Variants in MFSD6 observed in about 807,000 individuals in gnomAD.
MFSD6 encodes major facilitator superfamily domain containing 6.
Under a neutral mutation model 56.3 loss-of-function variants are expected in MFSD6, and 26 were observed. The ratio of observed to expected loss-of-function variants is 0.46; its 90% CI spans 0.34 to 0.64. The LOEUF is 0.64. Among genes scored for constraint, MFSD6 ranks in the 30% least tolerant of loss-of-function variants. MFSD6 has a pLI of 0.01. For missense variants in MFSD6, 750 were observed against 986.2 expected, an observed-to-expected ratio of 0.76 and a Z score of 3.21; for synonymous variants, 331 against 366.9, an observed-to-expected ratio of 0.90 and a Z score of 1.12.
rs574603767 is a variant in MFSD6 at position 190,414,853 on chromosome 2, G to T, written c.-175-439G>T. Among the ~76,000 whole-genome samples, 38 of 151,926 alleles carry T rather than the reference G, an allele frequency of 2.5e-4. 1 individual carries two copies. The highest frequency in any genetic ancestry group is 1.7e-3 in the South Asian group (8 of 4,808). The stretch of plus-strand genomic sequence containing the variant: ...ATAACACTTTGGTGTCATTTTTATC[G>T]AGTCTTTTTCTAAAATACATTTTAT... On this transcript the variant is annotated intron_variant, in intron 1 of 7. Transcript: ENST00000392328.
chr2:190,446,253 A>G (rs755358896), intron 3 of MFSD6, among the ~76,000 whole-genome samples: 11 of 152,164 alleles, frequency 7.2e-5, no homozygotes, highest in Non-Finnish European at 1.6e-4. Flanking sequence ...CAAACTCTGA[A>G]AGAGTTTGAG....
intron 4 of MFSD6, among the ~76,000 whole-genome samples, chr2:190,472,605 A>C (rs1273658833): frequency 6.6e-6 from 1 of 152,222 alleles, no homozygotes; most frequent in Non-Finnish European, 1.5e-5. Flanking sequence ...CCAAATCTAC[A>C]TCTGATTGGT....
Position 190,412,449 on chromosome 2 carries a change from C to A in MFSD6, c.-175-2843C>A. 2 of 985,310 alleles carry A rather than the reference C, an allele frequency of 2.0e-6. No homozygotes were observed. The highest frequency in any genetic ancestry group is 2.4e-6 in the Non-Finnish European group (2 of 829,884). The allele number at this position is 985,310 out of a possible 1,614,324, so 61.0% of individuals were successfully genotyped here. A position where few individuals can be genotyped will look rare whatever the true frequency, so the allele number is the denominator to read the frequency against. On this transcript the variant is annotated intron_variant, in intron 1 of 7. Coordinates refer to ENST00000392328, the MANE Select transcript of MFSD6 (RefSeq NM_017694.4). This position sits in a 1 kb window ranked among gnomAD's most constrained non-coding sequence, Gnocchi z 4.1. ...TTGTTCAATAGGTTATCTTTAAAGGCAGAAATCAAGTGCAAAGTCCTACCC... is the reference window on the plus strand; with the variant it reads ...TTGTTCAATAGGTTATCTTTAAAGGAAGAAATCAAGTGCAAAGTCCTACCC...
rs1689430149 is a variant in MFSD6, at chr2:190,492,748, C to T, written c.1891+2882C>T. On this transcript the variant is annotated intron_variant, in intron 6 of 7. Coordinates refer to ENST00000392328, the MANE Select transcript of MFSD6 (RefSeq NM_017694.4). This position sits in a 1 kb window ranked among gnomAD's most constrained non-coding sequence, Gnocchi z 5.2. Reference sequence around the variant, plus strand: ...ACAGTCTTTTTCAGACAAACAAATGCTGAGAGAATTCACCACTACCAAGCC... The same window carrying T: ...ACAGTCTTTTTCAGACAAACAAATGTTGAGAGAATTCACCACTACCAAGCC... 6.6e-6 allele frequency among the ~76,000 whole-genome samples: 1 copy of T among 150,876 alleles called. No homozygotes were observed. The highest frequency in any genetic ancestry group is 1.5e-5 in the Non-Finnish European group (1 of 67,974).
At position 190,431,597 on chromosome 2, in the gene MFSD6, T is replaced by C. The variant is rs1481097877; in HGVS notation, c.-53-4380T>C. Among the ~76,000 whole-genome samples, 1 of 152,154 alleles carries C rather than the reference T, an allele frequency of 6.6e-6. No individual in the cohort carries two copies. Among genetic ancestry groups the C allele is most frequent in the Non-Finnish European group, 1.5e-5 (1 of 68,016 alleles). On this transcript the variant is annotated intron_variant, in intron 2 of 7. Coordinates refer to ENST00000392328, the MANE Select transcript of MFSD6 (RefSeq NM_017694.4). The surrounding 1 kb of genome is among the most constrained non-coding windows in gnomAD (Gnocchi z 4.4). The stretch of plus-strand genomic sequence containing the variant: ...GCGCGCGCCTGCAATCGCAGGCACT[T>C]GGCAGGCTGAGGCAGGGGAATCAGG...
chr2:190,433,662 C>G lies in MFSD6; in HGVS notation c.-53-2315C>G, dbSNP rs1404802469. Among the ~76,000 whole-genome samples the G allele has an allele frequency of 6.6e-6, 1 of 152,094 alleles. No individual in the cohort carries two copies. Among genetic ancestry groups the G allele is most frequent in the Non-Finnish European group, 1.5e-5 (1 of 68,022 alleles). On this transcript the variant is annotated intron_variant, in intron 2 of 7. Coordinates refer to ENST00000392328, the MANE Select transcript of MFSD6 (RefSeq NM_017694.4). This position sits in a 1 kb window ranked among gnomAD's most constrained non-coding sequence, Gnocchi z 4.5. ...CCTAAAAAACCGACATGAACATTTT[C>G]AAAGCTTACAGCTACATTGACATCT...
chr2:190,424,235 CT>C lies in MFSD6; in HGVS notation c.-54+8835del, dbSNP rs36117421. Reference sequence around the variant, plus strand: ...ACTAGAGGCTAAAGATTTTCTTCTTCTTTTTTTTTTTTTCTAAATGTTTTAT... The same window carrying C: ...ACTAGAGGCTAAAGATTTTCTTCTTCTTTTTTTTTTTTCTAAATGTTTTAT... On this transcript the variant is annotated intron_variant, in intron 2 of 7. Coordinates refer to ENST00000392328, the MANE Select transcript of MFSD6 (RefSeq NM_017694.4). This position sits in a 1 kb window ranked among gnomAD's most constrained non-coding sequence, Gnocchi z 5.9. Among the ~76,000 whole-genome samples, 69,542 of 143,018 alleles carry C rather than the reference CT, an allele frequency of 0.49. 16,800 individuals carry two copies. Among genetic ancestry groups the C allele is most frequent in the African/African-American group, 0.61 (23,835 of 39,388 alleles). 93.8% of individuals were successfully genotyped at this position (143,018 alleles called of 152,430 possible).
intron 3 of MFSD6, among the ~76,000 whole-genome samples, chr2:190,460,352 A>G (rs1687259711): frequency 6.6e-6 from 1 of 152,196 alleles, no homozygotes; most frequent in Non-Finnish European, 1.5e-5. Context: ...ATTCTTTCAC[A>G]TACCCATCAC....
intron 4 of MFSD6, among the ~76,000 whole-genome samples, chr2:190,470,518 C>G (rs1687859462): frequency 6.6e-6 from 1 of 152,160 alleles, no homozygotes. Flanking sequence ...CTGACCACAT[C>G]CTGAAAAGTC....
chr2:190,437,321 A>C lies in MFSD6; in HGVS notation c.1292A>C (p.Gln431Pro). The C allele has an allele frequency of 6.2e-7, 1 of 1,614,256 alleles. No individual in the cohort carries two copies. Among genetic ancestry groups the C allele is most frequent in the Non-Finnish European group, 8.5e-7 (1 of 1,180,028 alleles). The part of the protein sequence containing the change: ...EETPTTTSHS[Q>P]AFNFWDLIKL... ...ACACCAACCACCACAAGCCACTCGC[A>C]GGCCTTCAACTTTTGGGACTTAATC... is the stretch of plus-strand genomic sequence containing the variant. The change falls in exon 3 of 8, where the codon CAG becomes CCG. Residue 431 changes from glutamine (Q) to proline (P), a missense_variant. Physicochemically the swap from Gln to Pro is moderately conservative, Grantham distance 76 (BLOSUM62 -1). Coordinates refer to ENST00000392328, the MANE Select transcript of MFSD6 (RefSeq NM_017694.4). This position sits in a 1 kb window ranked among gnomAD's most constrained non-coding sequence, Gnocchi z 5.9.
chr2:190,469,305 G>A lies in MFSD6; in HGVS notation c.1533-453G>A, dbSNP rs4264585. On this transcript the variant is annotated intron_variant, in intron 3 of 7. Transcript: ENST00000392328. The surrounding 1 kb of genome is among the most constrained non-coding windows in gnomAD (Gnocchi z 5.3). ...GGGTATTATGAGCAAGGCCACATTCGTGTTTACATATTCTCATTTTTATCC... is the reference window on the plus strand; with the variant it reads ...GGGTATTATGAGCAAGGCCACATTCATGTTTACATATTCTCATTTTTATCC... Among the ~76,000 whole-genome samples, 1 of 151,896 alleles carries A rather than the reference G, an allele frequency of 6.6e-6. No individual in the cohort carries two copies. The highest frequency in any genetic ancestry group is 2.4e-5 in the African/African-American group (1 of 41,344).
chr2:190,447,594 C>T lies in MFSD6; in HGVS notation c.1532+10033C>T, dbSNP rs1686631490. Among the ~76,000 whole-genome samples the T allele has an allele frequency of 6.6e-6, 1 of 152,128 alleles. No individual in the cohort carries two copies. Reference sequence around the variant, plus strand: ...ATACTTCTTAGTGCCACGTTTTAGGCATTATAAGCTACTATCTTCATAATA... The same window carrying T: ...ATACTTCTTAGTGCCACGTTTTAGGTATTATAAGCTACTATCTTCATAATA... On this transcript the variant is annotated intron_variant, in intron 3 of 7. Coordinates refer to ENST00000392328, the MANE Select transcript of MFSD6 (RefSeq NM_017694.4). The surrounding 1 kb of genome is among the most constrained non-coding windows in gnomAD (Gnocchi z 4.5).
At chr2:190,455,017 A>G (rs1686953586) in intron 3 of MFSD6, among the ~76,000 whole-genome samples, 1 of 148,820 alleles carries the variant, frequency 6.7e-6, no homozygotes, top group African/African-American at 2.5e-5. Context: ...ATGTATATGT[A>G]TATGTGTGTT....
intron 4 of MFSD6, among the ~76,000 whole-genome samples, chr2:190,479,606 TG>T (rs1688547401): frequency 6.6e-6 from 1 of 152,232 alleles, no homozygotes; most frequent in African/African-American, 2.4e-5. Flanking sequence ...CTGTGGGTGT[TG>T]GTTGCAAATC....
chr2:190,485,712 T>A lies in MFSD6; in HGVS notation c.1631-2945T>A, dbSNP rs1211844270. On this transcript the variant is annotated intron_variant, in intron 4 of 7. Transcript: ENST00000392328. This position sits in a 1 kb window ranked among gnomAD's most constrained non-coding sequence, Gnocchi z 5.1. ...GCTGGCATTATCTAGGGTATTGCAA[T>A]TGTTTTGCCAGATAAAGCAAACACG... Among the ~76,000 whole-genome samples, 1 of 152,110 alleles carries A rather than the reference T, an allele frequency of 6.6e-6. No individual in the cohort carries two copies. Among genetic ancestry groups the A allele is most frequent in the Non-Finnish European group, 1.5e-5 (1 of 68,000 alleles).
chr2:190,453,780 C>A (rs1052136711), intron 3 of MFSD6, among the ~76,000 whole-genome samples: 22 of 152,180 alleles, frequency 1.4e-4, no homozygotes, highest in African/African-American at 5.3e-4. Flanking sequence ...GAATATGTTG[C>A]CCCAAATAGC....
chr2:190,420,826 A>T (rs1685582593), intron 2 of MFSD6, among the ~76,000 whole-genome samples: 1 of 152,198 alleles, frequency 6.6e-6, no homozygotes, highest in Non-Finnish European at 1.5e-5. Context: ...GAAAATATTG[A>T]GTAAAAAAAA....
rs201082615 is a variant in MFSD6, at chr2:190,436,762, A to T, written c.733A>T (p.Ser245Cys). Reference sequence around the variant, plus strand: ...TATGATGGACTTGACTTTGAACTCAAGCACAGCAACCCCTGTCTCCCCAGG... The same window carrying T: ...TATGATGGACTTGACTTTGAACTCATGCACAGCAACCCCTGTCTCCCCAGG... ...NRMMDLTLNSSTATPVSPGSV... is the reference protein window; with the variant it reads ...NRMMDLTLNSCTATPVSPGSV... The change falls in exon 3 of 8, where the codon AGC becomes TGC. Residue 245 changes from serine (S) to cysteine (C), a missense_variant. Coordinates refer to ENST00000392328, the MANE Select transcript of MFSD6 (RefSeq NM_017694.4). This position sits in a 1 kb window ranked among gnomAD's most constrained non-coding sequence, Gnocchi z 5.3. 1.2e-6 allele frequency: 2 copies of T among 1,614,220 alleles called. No individual in the cohort carries two copies. Among genetic ancestry groups the T allele is most frequent in the Middle Eastern group, 1.6e-4 (1 of 6,062 alleles).
chr2:190,437,355 C>T lies in MFSD6; in HGVS notation c.1326C>T (p.Leu442=). 6.2e-7 allele frequency: 1 copy of T among 1,614,254 alleles called. No individual in the cohort carries two copies. Among genetic ancestry groups the T allele is most frequent in the Non-Finnish European group, 8.5e-7 (1 of 1,180,054 alleles). ...ACTTTTGGGACTTAATCAAGCTGCT[C>T]TGCAGCGTGCAGTATGGCTCAGTGC... is the stretch of plus-strand genomic sequence containing the variant. The part of the protein sequence containing the change: ...AFNFWDLIKL[L]CSVQYGSVLF... The change falls in exon 3 of 8, where the codon CTC becomes CTT. Residue 442 remains leucine (L), a synonymous_variant. Coordinates refer to ENST00000392328, the MANE Select transcript of MFSD6 (RefSeq NM_017694.4). This position sits in a 1 kb window ranked among gnomAD's most constrained non-coding sequence, Gnocchi z 5.9.
Sources: gnomAD v4.1 joint callset for allele counts (sites outside exome capture counted in the v4.1 genomes callset) on GRCh38, gnomAD v4.1.1 for gene constraint, Gnocchi (gnomAD v3.1) non-coding constraint, MANE v1.5 for transcripts, NCBI Gene and HGNC (gene_info 2026-07-23, HGNC 2026-07-21) for gene names.